TCF12: variants seen among roughly 807,000 people sequenced by gnomAD.
The protein encoded by TCF12 is DNA-binding protein HTF4.
Under a neutral mutation model 86.0 loss-of-function variants are expected in TCF12, and 45 were observed. That is an observed-to-expected ratio of 0.52 (90% CI 0.41 to 0.67). The LOEUF is 0.67. Ranked by LOEUF, TCF12 falls within the 30% of genes least tolerant of loss-of-function variation. The probability of loss-of-function intolerance (pLI) is 0.00; values close to 1 mark genes in which losing one functional copy is unlikely to be tolerated. For synonymous variants in TCF12, 330 were observed against 299.6 expected, an observed-to-expected ratio of 1.10 and a Z score of -1.05; for missense variants, 881 against 859.9, an observed-to-expected ratio of 1.02 and a Z score of -0.31.
At chr15:56,958,158 C>G (rs1313160586) in intron 3 of TCF12, among the ~76,000 whole-genome samples, 1 of 152,170 alleles carries the variant, frequency 6.6e-6, no homozygotes, top group East Asian at 1.9e-4. Flanking sequence ...TTTACCTGCT[C>G]TCAGGTTCTC....
At position 57,193,796 on chromosome 15, in the gene TCF12, A is replaced by T. The variant is rs574623179; in HGVS notation, c.526+1503A>T. Among the ~76,000 whole-genome samples, 3 of 152,340 alleles carry T rather than the reference A, an allele frequency of 2.0e-5. No individual in the cohort carries two copies. In the South Asian group the frequency reaches 6.2e-4, roughly 32 times the overall value. Reference sequence around the variant, plus strand: ...TAAAAGGGCACTATGATAGATCATCATATTCAGCATAGAGAACTCTGATTA... The same window carrying T: ...TAAAAGGGCACTATGATAGATCATCTTATTCAGCATAGAGAACTCTGATTA... On this transcript the variant is annotated intron_variant, in intron 7 of 20. Coordinates refer to ENST00000333725, the MANE Select transcript of TCF12 (RefSeq NM_207037.2).
At chr15:57,175,749 A>G (rs943941898) in intron 6 of TCF12, among the ~76,000 whole-genome samples, 27 of 152,300 alleles carry the variant, frequency 1.8e-4, no homozygotes, top group African/African-American at 6.3e-4. Context: ...GAGAACTAAG[A>G]AGTTAGTTAC....
intron 5 of TCF12, among the ~76,000 whole-genome samples, chr15:57,113,670 C>T (rs2050647619): frequency 6.6e-6 from 1 of 151,016 alleles, no homozygotes; most frequent in South Asian, 2.1e-4. Context: ...TGGGCTCAGT[C>T]GCTTAACACC....
intron 4 of TCF12, among the ~76,000 whole-genome samples, chr15:57,085,340 A>C (rs1417302482): frequency 6.6e-6 from 1 of 152,242 alleles, no homozygotes; most frequent in African/African-American, 2.4e-5. Flanking sequence ...CTGTTAAAGG[A>C]TATCAGAATC....
chr15:57,270,289 C>T (rs964696593), intron 18 of TCF12, among the ~76,000 whole-genome samples: 18 of 152,096 alleles, frequency 1.2e-4, no homozygotes, highest in African/African-American at 2.9e-4. Context: ...CTTGTCTTCT[C>T]GCATTATTTC....
chr15:57,145,312 A>AGT (rs1447297377), intron 5 of TCF12, among the ~76,000 whole-genome samples: 1 of 152,188 alleles, frequency 6.6e-6, no homozygotes, highest in African/African-American at 2.4e-5. Context: ...GAATCTTAGC[A>AGT]GTGTGCTCAG....
intron 8 of TCF12, among the ~76,000 whole-genome samples, chr15:57,212,168 T>G (rs2058138450): frequency 6.6e-6 from 1 of 152,196 alleles, no homozygotes; most frequent in African/African-American, 2.4e-5. Flanking sequence ...AACATCAGGT[T>G]TCTTTCACTG....
intron 5 of TCF12, among the ~76,000 whole-genome samples, chr15:57,149,054 TGTTA>T (rs1233897770): frequency 7.2e-5 from 11 of 152,338 alleles, no homozygotes; most frequent in Non-Finnish European, 5.9e-5. Context: ...TAAATTTTAC[TGTTA>T]GTTAGCATAT....
At chr15:56,988,368 C>A (rs1252041075) in intron 3 of TCF12, among the ~76,000 whole-genome samples, 2 of 152,068 alleles carry the variant, frequency 1.3e-5, no homozygotes, top group African/African-American at 4.8e-5. Flanking sequence ...TCTTAGTATA[C>A]AGAATACTGC....
At chr15:57,112,114 G>A (rs979033473) in intron 5 of TCF12, among the ~76,000 whole-genome samples, 4 of 152,186 alleles carry the variant, frequency 2.6e-5, no homozygotes, top group East Asian at 3.8e-4. Context: ...TTAAGAAGGT[G>A]GGAATGAGAA....
intron 3 of TCF12, among the ~76,000 whole-genome samples, chr15:56,936,527 G>A (rs1359027575): frequency 1.3e-5 from 2 of 152,018 alleles, no homozygotes; most frequent in Non-Finnish European, 2.9e-5. Context: ...CATTGCTTTT[G>A]GGTTCTTGGT....
At chr15:57,290,115 C>T (rs1483359752), downstream of TCF12, among the ~76,000 whole-genome samples, 8 of 151,346 alleles carry the variant, frequency 5.3e-5, no homozygotes, top group African/African-American at 1.9e-4. Context: ...GAGGCCAATG[C>T]GAGCGATACA....
intron 4 of TCF12, 98 bp from the exon 5 acceptor site, chr15:57,091,691 T>C: frequency 1.5e-6 from 1 of 686,886 alleles, no homozygotes; most frequent in Non-Finnish European, 2.4e-6. Context: ...GAAATGACCA[T>C]GTGTAAGTCT....
At chr15:57,240,940 T>C (rs2059598498) in intron 12 of TCF12, among the ~76,000 whole-genome samples, 1 of 151,738 alleles carries the variant, frequency 6.6e-6, no homozygotes, top group South Asian at 2.1e-4. Flanking sequence ...TTTGTTTCTG[T>C]TGAAGTTTGA....
At chr15:57,013,623 G>A (rs1436082366) in intron 3 of TCF12, among the ~76,000 whole-genome samples, 1 of 152,142 alleles carries the variant, frequency 6.6e-6, no homozygotes, top group Admixed American at 6.5e-5. Context: ...CTCTGGCCCA[G>A]TTGAAGTGTT....
chr15:56,980,875 A>G (rs2062856812), intron 3 of TCF12, among the ~76,000 whole-genome samples: 1 of 152,232 alleles, frequency 6.6e-6, no homozygotes, highest in African/African-American at 2.4e-5. Flanking sequence ...TGCCTAGCAT[A>G]ACACTGGACA....
At chr15:56,973,027 G>A (rs1417736721) in intron 3 of TCF12, among the ~76,000 whole-genome samples, 1 of 152,072 alleles carries the variant, frequency 6.6e-6, no homozygotes, top group African/African-American at 2.4e-5. Context: ...TGAGCAAATA[G>A]GTAAATATTT....
intron 5 of TCF12, among the ~76,000 whole-genome samples, chr15:57,107,983 C>CT (rs2050246233): frequency 6.6e-6 from 1 of 152,078 alleles, no homozygotes; most frequent in East Asian, 1.9e-4. Context: ...TATTTTTAAA[C>CT]TTTTATTTTT....
chr15:57,103,745 A>C (rs1457373894), intron 5 of TCF12, among the ~76,000 whole-genome samples: 2 of 152,140 alleles, frequency 1.3e-5, no homozygotes, highest in African/African-American at 4.8e-5. Flanking sequence ...ATAACATTGC[A>C]CTCATTAAAA....
Sources: allele counts gnomAD v4.1 joint callset (sites outside exome capture counted in the v4.1 genomes callset), GRCh38; gene constraint gnomAD v4.1.1; transcripts MANE v1.5; gene names NCBI Gene and HGNC (gene_info 2026-07-23, HGNC 2026-07-21).